The following LRFN2 variants were observed in gnomAD, a reference collection of about 807,000 sequenced individuals.
LRFN2 encodes the protein leucine rich repeat and fibronectin type III domain containing 2, also known as leucine-rich repeat and fibronectin type-III domain-containing protein 2.
In LRFN2, 18 loss-of-function variants were observed where a neutral mutation model predicts 37.3. That is an observed-to-expected ratio of 0.48 (90% CI 0.33 to 0.72). The LOEUF is 0.72. Among genes scored for constraint, LRFN2 ranks in the 30% least tolerant of loss-of-function variants. The pLI, the probability that LRFN2 is intolerant of heterozygous loss-of-function variation, is 0.02. For missense variants in LRFN2, 1,006 were observed against 1,060.7 expected (o/e 0.95, Z 0.72); for synonymous variants, 556 against 466.6 (o/e 1.19, Z -2.47).
intron 2 of LRFN2, among the ~76,000 whole-genome samples, chr6:40,401,501 G>T (rs140732734): frequency 8.7e-4 from 133 of 152,280 alleles, no homozygotes; most frequent in African/African-American, 3.0e-3. Context: ...CTGGCACACC[G>T]CTCTGGACTG....
At position 40,432,186 on chromosome 6, in the gene LRFN2, A is replaced by C; in HGVS notation, c.928T>G (p.Cys310Gly). ...VLEGQAATLK[C>G]KAIGDPSPLI... ...GGGCTGGGGTCCCCAATGGCTTTGC[A>C]CTTGAGTGTGGCCGCCTGGCCCTCC... The change falls in exon 2 of 3, where the codon TGC becomes GGC. Residue 310 changes from cysteine to glycine, a missense_variant. Cys to Gly is a radical substitution (Grantham distance 159). Coordinates refer to ENST00000338305, the MANE Select transcript of LRFN2 (RefSeq NM_020737.3). 1 of 1,613,802 alleles carries C rather than the reference A, an allele frequency of 6.2e-7. No homozygotes were observed. Among genetic ancestry groups the C allele is most frequent in the Non-Finnish European group, 8.5e-7 (1 of 1,180,024 alleles).
intron 1 of LRFN2, among the ~76,000 whole-genome samples, chr6:40,530,906 C>G (rs745666186): frequency 2.0e-5 from 3 of 152,128 alleles, no homozygotes; most frequent in Non-Finnish European, 4.4e-5. Flanking sequence ...AACTAACTGT[C>G]AACACTGTTT....
chr6:40,477,214 G>A (rs1284966756), intron 1 of LRFN2, among the ~76,000 whole-genome samples: 5 of 152,292 alleles, frequency 3.3e-5, no homozygotes, highest in African/African-American at 1.2e-4. Flanking sequence ...TCAGAGGGGT[G>A]GAAGTAACTC....
At chr6:40,433,207 T>A (rs1763558957) in intron 1 of LRFN2, 76 bp from the exon 2 acceptor site, 1 of 1,285,548 alleles carries the variant, frequency 7.8e-7, no homozygotes, top group African/African-American at 1.5e-5. Context: ...CTCCCTCACA[T>A]TAACCCTCAC....
intron 1 of LRFN2, chr6:40,501,840 C>G (rs1336443312): frequency 2.0e-5 from 3 of 152,166 alleles, no homozygotes; most frequent in African/African-American, 7.2e-5. Flanking sequence ...AATCAGAGAT[C>G]TGAGCCCACG....
chr6:40,461,634 G>A (rs1335042588), intron 1 of LRFN2, among the ~76,000 whole-genome samples: 1 of 151,360 alleles, frequency 6.6e-6, no homozygotes, highest in Non-Finnish European at 1.5e-5. Context: ...TTATAGTTTG[G>A]GGAGACAGAA....
chr6:40,421,018 C>T (rs1195915837), intron 2 of LRFN2, among the ~76,000 whole-genome samples: 1 of 152,200 alleles, frequency 6.6e-6, no homozygotes, highest in Non-Finnish European at 1.5e-5. Context: ...GGTATTAATC[C>T]TCCAAACTCT....
At chr6:40,416,466 A>G (rs1458193561) in intron 2 of LRFN2, among the ~76,000 whole-genome samples, 1 of 152,250 alleles carries the variant, frequency 6.6e-6, no homozygotes, top group East Asian at 1.9e-4. Context: ...AAGGATTCAC[A>G]GAAAGGAGAG....
At chr6:40,411,293 G>A (rs1762959545) in intron 2 of LRFN2, among the ~76,000 whole-genome samples, 1 of 152,196 alleles carries the variant, frequency 6.6e-6, no homozygotes, top group Middle Eastern at 3.2e-3. Context: ...TGCAGTGGAG[G>A]GTGAACCCCA....
At position 40,583,893 on chromosome 6, in the gene LRFN2, G is replaced by A. The variant is rs536885406; in HGVS notation, c.-19+3048C>T. 2.5e-4 allele frequency among the ~76,000 whole-genome samples: 38 copies of A among 152,202 alleles called. 1 individual carries two copies. The highest frequency in any genetic ancestry group is 1.0e-4 in the Non-Finnish European group (7 of 68,012). ...ACTGGGTGCTGGCGGCGGTTGGGGG[G>A]GTATTTTACATTCAAACCTCAGACA... On this transcript the variant is annotated intron_variant, in intron 1 of 2. Transcript: ENST00000338305.
At position 40,432,211 on chromosome 6, in the gene LRFN2, C is replaced by A; in HGVS notation, c.903G>T (p.Leu301=). ...ACTTGAGTGTGGCCGCCTGGCCCTCCAGAACCAGCAACTTGTGTGTGTGCT... is the reference window on the plus strand; with the variant it reads ...ACTTGAGTGTGGCCGCCTGGCCCTCAAGAACCAGCAACTTGTGTGTGTGCT... ...ITQHTHKLLV[L]EGQAATLKCK... Residue 301 remains leucine (L), a synonymous_variant, in exon 2 of 3, where the codon CTG becomes CTT. Transcript: ENST00000338305. 6.2e-7 allele frequency: 1 copy of A among 1,613,980 alleles called. No individual in the cohort carries two copies. The highest frequency in any genetic ancestry group is 2.2e-5 in the East Asian group (1 of 44,880).
chr6:40,405,491 C>T (rs1762826792), intron 2 of LRFN2, among the ~76,000 whole-genome samples: 1 of 152,108 alleles, frequency 6.6e-6, no homozygotes, highest in Admixed American at 6.5e-5. Context: ...AGGTCAGTGC[C>T]CGGCACAGAG....
chr6:40,565,013 T>C (rs1025530212), intron 1 of LRFN2, among the ~76,000 whole-genome samples: 19 of 152,214 alleles, frequency 1.2e-4, no homozygotes, highest in African/African-American at 4.6e-4. Context: ...TCAGGACGCC[T>C]GTCAGTTCAA....
intron 2 of LRFN2, among the ~76,000 whole-genome samples, chr6:40,395,134 C>T (rs1183305928): frequency 3.3e-5 from 5 of 152,072 alleles, no homozygotes; most frequent in Non-Finnish European, 1.5e-5. Context: ...TATCTGAAGA[C>T]TTCAGAGCCA....
intron 1 of LRFN2, among the ~76,000 whole-genome samples, chr6:40,562,827 G>GCACA (rs1475976500): frequency 2.5e-3 from 367 of 148,088 alleles, no homozygotes; most frequent in Non-Finnish European, 3.7e-3. Flanking sequence ...TTATGTGCGT[G>GCACA]CACTCACTCA....
chr6:40,405,447 GA>G (rs1762825663), intron 2 of LRFN2, among the ~76,000 whole-genome samples: 1 of 152,182 alleles, frequency 6.6e-6, no homozygotes, highest in African/African-American at 2.4e-5. Context: ...GGGTTGTTAT[GA>G]GGATTCAAGG....
rs562081262 is a variant in LRFN2, at chr6:40,448,959, G to A, written c.-18-15828C>T. ...GGGTAACAGGGAAGTCAGGCTAGGG[G>A]CTCAGAAGTATAACCAAAGCAACCA... is the stretch of plus-strand genomic sequence containing the variant. On this transcript the variant is annotated intron_variant, in intron 1 of 2. Coordinates refer to ENST00000338305, the MANE Select transcript of LRFN2 (RefSeq NM_020737.3). Among the ~76,000 whole-genome samples the A allele has an allele frequency of 2.0e-5, 3 of 152,136 alleles. No individual in the cohort carries two copies. The South Asian group carries it at 6.2e-4, about 32-fold the overall frequency.
At chr6:40,563,206 C>T (rs116199100) in intron 1 of LRFN2, among the ~76,000 whole-genome samples, 14 of 152,244 alleles carry the variant, frequency 9.2e-5, no homozygotes, top group Admixed American at 3.3e-4. Context: ...CTCCTCTCTC[C>T]GCTCTGCTCT....
At chr6:40,578,578 G>C (rs1581803960) in intron 1 of LRFN2, among the ~76,000 whole-genome samples, 1 of 152,124 alleles carries the variant, frequency 6.6e-6, no homozygotes, top group Admixed American at 6.5e-5. Flanking sequence ...CTTAAGAGAT[G>C]GTTGTTAGAA....
Sources: gnomAD v4.1 joint callset for allele counts (sites outside exome capture counted in the v4.1 genomes callset) on GRCh38, gnomAD v4.1.1 for gene constraint, MANE v1.5 for transcripts, NCBI Gene and HGNC (gene_info 2026-07-23, HGNC 2026-07-21) for gene names.